Variants in KCNQ3 observed in about 807,000 individuals in gnomAD.
KCNQ3 encodes the protein potassium voltage-gated channel subfamily Q member 3, also known as potassium voltage-gated channel subfamily KQT member 3.
A neutral mutation model predicts 92.5 loss-of-function variants in KCNQ3; 30 were observed. The observed-to-expected ratio is 0.32, with a 90% confidence interval of 0.24 to 0.44. The LOEUF (loss-of-function observed/expected upper bound fraction) is 0.44, where lower values mean the gene tolerates loss of function less well. Ranked by LOEUF, KCNQ3 falls within the 20% of genes least tolerant of loss-of-function variation. KCNQ3 has a pLI of 1.00. For missense variants in KCNQ3, 913 were observed against 1,140.3 expected, an observed-to-expected ratio of 0.80 and a Z score of 2.87; for synonymous variants, 450 against 468.8, an observed-to-expected ratio of 0.96 and a Z score of 0.52.
At chr8:132,172,182 A>C (rs888954454) in intron 7 of KCNQ3, among the ~76,000 whole-genome samples, 4 of 151,840 alleles carry the variant, frequency 2.6e-5, no homozygotes, top group Non-Finnish European at 5.9e-5. Context: ...TCTCAAAAAA[A>C]ACTCAAAAAA....
intron 1 of KCNQ3, among the ~76,000 whole-genome samples, chr8:132,314,082 G>A (rs1817673618): frequency 6.6e-6 from 1 of 152,120 alleles, no homozygotes; most frequent in Non-Finnish European, 1.5e-5. Context: ...CAAATCAACT[G>A]AAAATTGAAC....
intron 1 of KCNQ3, among the ~76,000 whole-genome samples, chr8:132,206,145 A>G (rs968916110): frequency 6.6e-5 from 10 of 152,124 alleles, no homozygotes; most frequent in African/African-American, 2.4e-4. Context: ...ATGTCTCAGA[A>G]TGGCTTGGGG....
At chr8:132,479,993 C>CACACACA (rs1554660743) in intron 1 of KCNQ3, among the ~76,000 whole-genome samples, 154 bp downstream of exon 1, 18 of 148,650 alleles carry the variant, frequency 1.2e-4, no homozygotes, top group East Asian at 5.9e-4. Context: ...CACACACACA[C>CACACACA]CCAGGGAAAC....
At chr8:132,157,277 AG>A (rs913735573) in intron 9 of KCNQ3, among the ~76,000 whole-genome samples, 1 of 152,220 alleles carries the variant, frequency 6.6e-6, no homozygotes, top group African/African-American at 2.4e-5. Context: ...GGTAGAGAGA[AG>A]GCCACATGAA....
chr8:132,166,975 G>A (rs1826161430), intron 8 of KCNQ3, among the ~76,000 whole-genome samples: 1 of 152,112 alleles, frequency 6.6e-6, no homozygotes, highest in African/African-American at 2.4e-5. Flanking sequence ...ATGTGTATGT[G>A]AATGTTCATA....
intron 1 of KCNQ3, among the ~76,000 whole-genome samples, chr8:132,454,317 C>T (rs1228620711): frequency 2.6e-5 from 4 of 152,220 alleles, no homozygotes; most frequent in African/African-American, 9.6e-5. Context: ...TGTTCCTCCA[C>T]TCTCTCACGT....
At chr8:132,478,564 C>A (rs138827118) in intron 1 of KCNQ3, among the ~76,000 whole-genome samples, 16 of 151,930 alleles carry the variant, frequency 1.1e-4, no homozygotes, top group African/African-American at 3.9e-4. Flanking sequence ...CTAAAAAGAG[C>A]AAATGAAAGA....
At chr8:132,309,545 G>C (rs1208452478) in intron 1 of KCNQ3, among the ~76,000 whole-genome samples, 1 of 152,012 alleles carries the variant, frequency 6.6e-6, no homozygotes. Context: ...AAACACCCTG[G>C]ACTACATCCA....
chr8:132,138,034 G>A lies in KCNQ3; in HGVS notation c.1569-18C>T, dbSNP rs755386969. The A allele has an allele frequency of 1.9e-6, 3 of 1,605,066 alleles. No homozygotes were observed. Among genetic ancestry groups the A allele is most frequent in the Non-Finnish European group, 2.5e-6 (3 of 1,179,736 alleles). The stretch of plus-strand genomic sequence containing the variant: ...GTAGAATTCTGCAAGGCAAAGTAGA[G>A]GCATTTGTGCATCCCATGTGGAGAG... On this transcript the variant is annotated intron_variant, in intron 11 of 14. Transcript: ENST00000388996.
At chr8:132,180,839 A>AAAAAAAAAAAAAC (rs1426971638) in intron 3 of KCNQ3, among the ~76,000 whole-genome samples, 6,686 of 150,046 alleles carry the variant, frequency 0.045, 243 homozygotes, top group Non-Finnish European at 0.069. Context: ...GAATGTTAAA[A>AAAAAAAAAAAAAC]AAAAAAAAAA....
Position 132,126,454 on chromosome 8 carries a change from A to G in KCNQ3, c.*2808T>C, listed in dbSNP as rs1175371063. The G allele has an allele frequency of 6.6e-6, 1 of 152,176 alleles. No individual in the cohort carries two copies. Among genetic ancestry groups the G allele is most frequent in the Non-Finnish European group, 1.5e-5 (1 of 68,052 alleles). 9.4% of individuals were successfully genotyped at this position (152,176 alleles called of 1,614,324 possible). ...CAGGTTTGGTTTGCCTTTCTGGAATATATTTTTTGGGGAACAAAAGGAGAA... is the reference window on the plus strand; with the variant it reads ...CAGGTTTGGTTTGCCTTTCTGGAATGTATTTTTTGGGGAACAAAAGGAGAA... On this transcript the variant is annotated 3_prime_UTR_variant, in exon 15 of 15. Coordinates refer to ENST00000388996, the MANE Select transcript of KCNQ3 (RefSeq NM_004519.4).
intron 9 of KCNQ3, among the ~76,000 whole-genome samples, chr8:132,157,279 G>A (rs946517484): frequency 1.1e-4 from 16 of 152,146 alleles, no homozygotes; most frequent in Non-Finnish European, 1.5e-4. Context: ...TAGAGAGAAG[G>A]CCACATGAAC....
intron 1 of KCNQ3, among the ~76,000 whole-genome samples, chr8:132,445,134 C>G (rs1377204293): frequency 6.6e-6 from 1 of 152,084 alleles, no homozygotes; most frequent in Admixed American, 6.6e-5. Flanking sequence ...GCAAAAGGAC[C>G]AACTGGTGTC....
intron 1 of KCNQ3, among the ~76,000 whole-genome samples, chr8:132,347,721 T>C (rs1440893777): frequency 6.6e-6 from 1 of 152,148 alleles, no homozygotes; most frequent in Non-Finnish European, 1.5e-5. Context: ...CTCACGCCTG[T>C]AATCCCAGCA....
At chr8:132,468,035 C>T (rs1457589277) in intron 1 of KCNQ3, among the ~76,000 whole-genome samples, 1 of 152,216 alleles carries the variant, frequency 6.6e-6, no homozygotes, top group Non-Finnish European at 1.5e-5. Context: ...TCTGATTTTT[C>T]TAAGCTGTCA....
chr8:132,141,547 C>G (rs1825298122), intron 9 of KCNQ3, among the ~76,000 whole-genome samples: 1 of 152,184 alleles, frequency 6.6e-6, no homozygotes, highest in African/African-American at 2.4e-5. Context: ...GGCAAGACTT[C>G]TCTGAATGTC....
chr8:132,151,200 C>A (rs1333819629), intron 9 of KCNQ3, among the ~76,000 whole-genome samples: 1 of 152,114 alleles, frequency 6.6e-6, no homozygotes, highest in Non-Finnish European at 1.5e-5. Context: ...AGGAGTCAAA[C>A]CTTGGCTGCA....
At chr8:132,183,609 G>T (rs10092250) in intron 3 of KCNQ3, among the ~76,000 whole-genome samples, 86,962 of 151,966 alleles carry the variant, frequency 0.57, 25,046 homozygotes, top group Non-Finnish European at 0.61. Context: ...CAATAGGTTG[G>T]TGAGAGTTTC....
chr8:132,357,005 A>C (rs1327037683), intron 1 of KCNQ3, among the ~76,000 whole-genome samples: 1 of 128,508 alleles, frequency 7.8e-6, no homozygotes, highest in Non-Finnish European at 1.6e-5. Context: ...AAACTATTTT[A>C]TTAACAACAA....
Sources: allele counts gnomAD v4.1 joint callset (sites outside exome capture counted in the v4.1 genomes callset), GRCh38; gene constraint gnomAD v4.1.1; transcripts MANE v1.5; gene names NCBI Gene and HGNC (gene_info 2026-07-23, HGNC 2026-07-21).